OTOA: variants seen among roughly 807,000 people sequenced by gnomAD.
The protein encoded by OTOA is cancer/testis antigen 108.
OTOA carries 70 observed loss-of-function variants against 110.8 expected under a neutral mutation model. The observed-to-expected ratio is 0.63, with a 90% CI of 0.52 to 0.77. OTOA has a LOEUF of 0.77. Among genes scored for constraint, OTOA ranks in the 30% least tolerant of loss-of-function variants. OTOA has a pLI of 0.00. For synonymous variants in OTOA, 373 were observed against 431.5 expected (o/e 0.86, Z 1.68); for missense variants, 917 against 1,075.8 (o/e 0.85, Z 2.06).
chr16:21,735,258 A>C (rs1281126884), intron 21 of OTOA, among the ~76,000 whole-genome samples: 2 of 152,232 alleles, frequency 1.3e-5, no homozygotes, highest in East Asian at 3.9e-4. Context: ...GGAAACTTAC[A>C]ATCATGGCGG....
intron 21 of OTOA, among the ~76,000 whole-genome samples, chr16:21,731,499 G>A (rs1018603019): frequency 8.5e-5 from 13 of 152,228 alleles, no homozygotes; most frequent in African/African-American, 3.1e-4. Context: ...TGCCTGATTT[G>A]TGGGTCGCTG....
At chr16:21,731,350 G>A (rs1171945705) in intron 21 of OTOA, among the ~76,000 whole-genome samples, 6 of 152,156 alleles carry the variant, frequency 3.9e-5, no homozygotes, top group South Asian at 2.1e-4. Context: ...TGGGCATGAC[G>A]CTTTTCTAGG....
chr16:21,675,117 T>TTTC (rs1567361260), intron 1 of OTOA, among the ~76,000 whole-genome samples: 12 of 129,028 alleles, frequency 9.3e-5, no homozygotes, highest in South Asian at 5.0e-4. Context: ...TTCTTTCTTT[T>TTTC]TCTTTCTCTC....
chr16:21,688,260 C>T (rs1437175759), intron 8 of OTOA, among the ~76,000 whole-genome samples: 6 of 151,802 alleles, frequency 4.0e-5, no homozygotes, highest in East Asian at 1.9e-4. Flanking sequence ...TGGTGGTGGG[C>T]GCCTGTAATC....
At chr16:21,724,859 C>A (rs1898865417) in intron 18 of OTOA, among the ~76,000 whole-genome samples, 1 of 152,078 alleles carries the variant, frequency 6.6e-6, no homozygotes, top group Non-Finnish European at 1.5e-5. Context: ...TCATTGCAAC[C>A]TCCGCCACCT....
chr16:21,686,298 T>C (rs1897710295), intron 7 of OTOA, among the ~76,000 whole-genome samples: 1 of 151,578 alleles, frequency 6.6e-6, no homozygotes, highest in Non-Finnish European at 1.5e-5. Flanking sequence ...GCTTTTTTTT[T>C]TTTTCTTAGA....
At chr16:21,702,168 T>G (rs1288184648) in intron 11 of OTOA, among the ~76,000 whole-genome samples, 2 of 152,150 alleles carry the variant, frequency 1.3e-5, no homozygotes, top group Admixed American at 6.6e-5. Context: ...CAGGCTGGTC[T>G]CAAACTCCTG....
intron 21 of OTOA, among the ~76,000 whole-genome samples, chr16:21,731,535 T>C (rs1309871604): frequency 6.6e-6 from 1 of 152,224 alleles, no homozygotes; most frequent in Non-Finnish European, 1.5e-5. Context: ...AGAACTTGTT[T>C]TTCTTACCAT....
chr16:21,744,410 A>G (rs1418524173), intron 23 of OTOA, among the ~76,000 whole-genome samples: 10 of 148,726 alleles, frequency 6.7e-5, no homozygotes, highest in African/African-American at 2.2e-4. Context: ...GCCTCCAAAA[A>G]TGCTGAGATT....
At chr16:21,676,691 C>G (rs760239563) in intron 1 of OTOA, among the ~76,000 whole-genome samples, 1 of 152,288 alleles carries the variant, frequency 6.6e-6, no homozygotes, top group Middle Eastern at 3.4e-3. Context: ...ATCTCCAGAA[C>G]TTTCTCTCTG....
chr16:21,697,856 C>A lies in OTOA; in HGVS notation c.821C>A (p.Thr274Lys). The stretch of plus-strand genomic sequence containing the variant: ...GTTCACCTATCGTTTGAAGAAATTA[C>A]GAAAATTAGTCCTATAGAAGTAAGT... The part of the protein sequence containing the change: ...YMVHLSFEEI[T>K]KISPIEIGLF... The change falls in exon 10 of 29, where the codon ACG becomes AAG. Residue 274 changes from threonine (T) to lysine (K), a missense_variant. Around this residue, in one of 6 missense-constraint regions of OTOA, gnomAD observed 840 missense variants for 910.2 expected, o/e 0.92. Coordinates refer to ENST00000646100, the MANE Select transcript of OTOA (RefSeq NM_144672.4). 6.2e-7 allele frequency: 1 copy of A among 1,613,782 alleles called. No homozygotes were observed. The highest frequency in any genetic ancestry group is 8.5e-7 in the Non-Finnish European group (1 of 1,179,826).
At chr16:21,733,705 C>A (rs1899189662) in intron 21 of OTOA, among the ~76,000 whole-genome samples, 1 of 151,064 alleles carries the variant, frequency 6.6e-6, no homozygotes, top group Non-Finnish European at 1.5e-5. Flanking sequence ...AACCCAAAGT[C>A]CCCTAAGTCC....
Position 21,707,514 on chromosome 16 carries a change from G to A in OTOA, c.1104+2222G>A, listed in dbSNP as rs149581582. Among the ~76,000 whole-genome samples, 19 of 151,978 alleles carry A rather than the reference G, an allele frequency of 1.3e-4. No homozygotes were observed. In the East Asian group the frequency reaches 3.7e-3, roughly 30 times the overall value. ...GGGATTGTTTCAGGATGATTCAAGT[G>A]CATGACATTTATTGTGCTCTTCCTT... On this transcript the variant is annotated intron_variant, in intron 12 of 28. Transcript: ENST00000646100.
intron 19 of OTOA, among the ~76,000 whole-genome samples, chr16:21,727,401 C>G (rs1326960003): frequency 6.6e-6 from 1 of 152,098 alleles, no homozygotes; most frequent in East Asian, 1.9e-4. Context: ...GGTGTGAATC[C>G]TAGCCTTGCC....
intron 11 of OTOA, among the ~76,000 whole-genome samples, chr16:21,702,052 A>C (rs1469486949): frequency 6.7e-6 from 1 of 148,718 alleles, no homozygotes; most frequent in Non-Finnish European, 1.5e-5. Context: ...CAGATTCAAG[A>C]GATCCTCCTG....
intron 1 of OTOA, among the ~76,000 whole-genome samples, chr16:21,672,614 C>G (rs1328485714): frequency 4.9e-5 from 7 of 142,170 alleles, no homozygotes; most frequent in South Asian, 2.2e-4. Context: ...CAGAGTGAGA[C>G]TCCATCTCAA....
chr16:21,689,856 T>C (rs1435133415), intron 8 of OTOA, among the ~76,000 whole-genome samples: 2 of 152,042 alleles, frequency 1.3e-5, no homozygotes, highest in Non-Finnish European at 2.9e-5. Context: ...TGGCTACTTT[T>C]TGTATTTTTA....
Position 21,754,054 on chromosome 16 carries a change from ATCTC to A in OTOA, c.3153+940_3153+943del, listed in dbSNP as rs1202374758. On this transcript the variant is annotated intron_variant, in intron 27 of 28. Coordinates refer to ENST00000646100, the MANE Select transcript of OTOA (RefSeq NM_144672.4). ...CAGCCTGGGCAACAAGAGCGAAACC[ATCTC>A]TCTCTCTCTATATATATATATTTTT... Among the ~76,000 whole-genome samples, 166 of 134,800 alleles carry A rather than the reference ATCTC, an allele frequency of 1.2e-3. 3 individuals carry two copies. Among genetic ancestry groups the A allele is most frequent in the African/African-American group, 3.5e-3 (126 of 36,148 alleles). 88.4% of individuals were successfully genotyped at this position (134,800 alleles called of 152,430 possible).
rs571629029 is a variant in OTOA at position 21,751,769 on chromosome 16, G to A, written c.2776-166G>A. On this transcript the variant is annotated intron_variant, in intron 24 of 28. Coordinates refer to ENST00000646100, the MANE Select transcript of OTOA (RefSeq NM_144672.4). ...ATACTCAGTTGAAGTAGTATCTTAA[G>A]GACATGAACTTGGATGCAGAGGCCA... Among the ~76,000 whole-genome samples, 10 of 110,870 alleles carry A rather than the reference G, an allele frequency of 9.0e-5. 2 individuals carry two copies. The East Asian group carries it at 1.8e-3, about 20-fold the overall frequency. 72.7% of individuals were successfully genotyped at this position (110,870 alleles called of 152,430 possible).
Sources: allele counts gnomAD v4.1 joint callset (sites outside exome capture counted in the v4.1 genomes callset), GRCh38; gene constraint gnomAD v4.1.1; regional missense constraint gnomAD v4.1.1; transcripts MANE v1.5; gene names NCBI Gene and HGNC (gene_info 2026-07-23, HGNC 2026-07-21).